SINHCAF: variants seen among roughly 807,000 people sequenced by gnomAD.
SINHCAF encodes the protein SIN3-HDAC complex associated factor.
SINHCAF carries 3 observed loss-of-function variants against 25.8 expected under a neutral mutation model. That is an observed-to-expected ratio of 0.12 (90% CI 0.05 to 0.30). The LOEUF (loss-of-function observed/expected upper bound fraction) is 0.30. Ranked by LOEUF, SINHCAF falls within the 10% of genes least tolerant of loss-of-function variation. The pLI, the probability that SINHCAF is intolerant of heterozygous loss-of-function variation, is 1.00. For missense variants in SINHCAF, 121 were observed against 262.3 expected, an observed-to-expected ratio of 0.46 and a Z score of 3.72; for synonymous variants, 70 against 85.5, an observed-to-expected ratio of 0.82 and a Z score of 1.00.
intron 1 of SINHCAF, chr12:31,298,553 T>C (rs1938644306): frequency 3.2e-6 from 1 of 309,886 alleles, no homozygotes; most frequent in African/African-American, 2.1e-5. Context: ...TCCTGTAAAA[T>C]AATGAAGCTG....
In SINHCAF at chr12:31,325,307, A is replaced by G. The variant is rs1939924816; in HGVS notation, c.-21+717T>C. ...GGTCCGAAGAGGGCAGGCGAGTGGA[A>G]GACGGGCTGTTTTTAAGCGACCGCG... is the stretch of plus-strand genomic sequence containing the variant. On this transcript the variant is annotated intron_variant, in intron 1 of 5. Transcript: ENST00000337682. The surrounding 1 kb of genome is among the most constrained non-coding windows in gnomAD (Gnocchi z 5.9). 4.5e-6 allele frequency: 2 copies of G among 447,984 alleles called. No homozygotes were observed. Among genetic ancestry groups the G allele is most frequent in the South Asian group, 3.1e-5 (2 of 63,932 alleles). 27.8% of individuals were successfully genotyped at this position (447,984 alleles called of 1,614,324 possible). A position where few individuals can be genotyped will look rare whatever the true frequency, so the allele number is the denominator to read the frequency against.
chr12:31,302,474 T>A (rs767981535), intron 1 of SINHCAF, among the ~76,000 whole-genome samples: 1 of 148,396 alleles, frequency 6.7e-6, no homozygotes, highest in Non-Finnish European at 1.5e-5. Context: ...GATGCCAGTC[T>A]CATACTAGCT....
chr12:31,299,181 C>T (rs1028233328), intron 1 of SINHCAF, among the ~76,000 whole-genome samples: 1 of 151,998 alleles, frequency 6.6e-6, no homozygotes, highest in Non-Finnish European at 1.5e-5. Flanking sequence ...CCAAAACAAC[C>T]GGACTAAGAG....
chr12:31,284,404 A>C (rs1592952529), intron 5 of SINHCAF, among the ~76,000 whole-genome samples: 1 of 152,144 alleles, frequency 6.6e-6, no homozygotes, highest in South Asian at 2.1e-4. Context: ...AGTTGTCTGT[A>C]TATTCCAGAT....
At chr12:31,298,296 C>T in intron 1 of SINHCAF, 72 bp from the exon 2 acceptor site, 1 of 1,567,008 alleles carries the variant, frequency 6.4e-7, no homozygotes, top group Non-Finnish European at 8.7e-7. Context: ...GTTCTCTCTG[C>T]TCCACCCCAC....
intron 4 of SINHCAF, among the ~76,000 whole-genome samples, chr12:31,288,790 A>C (rs1042990283): frequency 6.6e-6 from 1 of 152,218 alleles, no homozygotes; most frequent in Admixed American, 6.5e-5. Flanking sequence ...AAGAATCAGG[A>C]AGATCTCAAA....
chr12:31,311,415 G>A (rs528884614), intron 1 of SINHCAF, among the ~76,000 whole-genome samples: 1 of 152,184 alleles, frequency 6.6e-6, no homozygotes, highest in African/African-American at 2.4e-5. Context: ...CAAATTCTTT[G>A]GTAAAGCAAA....
At chr12:31,283,863 C>A (rs902035870) in intron 5 of SINHCAF, among the ~76,000 whole-genome samples, 10 of 147,550 alleles carry the variant, frequency 6.8e-5, no homozygotes, top group African/African-American at 2.6e-4. Context: ...ATTACACACA[C>A]ACACACACAC....
chr12:31,304,208 G>A (rs982745556), intron 1 of SINHCAF: 3 of 151,704 alleles, frequency 2.0e-5, no homozygotes, highest in African/African-American at 7.3e-5. Flanking sequence ...TGGTGGGTGT[G>A]GCCCAATGCC....
At chr12:31,297,430 G>A (rs962799257) in intron 2 of SINHCAF, among the ~76,000 whole-genome samples, 3 of 151,218 alleles carry the variant, frequency 2.0e-5, no homozygotes, top group Non-Finnish European at 4.4e-5. Flanking sequence ...AAAGTGCTGG[G>A]ATTACTAGCG....
rs937645536 is a variant in SINHCAF at position 31,302,929 on chromosome 12, T to C, written c.-20-4705A>G. The C allele has an allele frequency of 3.0e-6, 3 of 985,266 alleles. No individual in the cohort carries two copies. In the African/African-American group the frequency reaches 5.2e-5, roughly 17 times the overall value. The allele number at this position is 985,266 out of a possible 1,614,324, so 61.0% of individuals were successfully genotyped here. ...AGGGTCAGCCTTAGTTAATAGGCCA[T>C]GGTTTTATTACCCATATGTCCAAAC... On this transcript the variant is annotated intron_variant, in intron 1 of 5. Transcript: ENST00000337682.
At chr12:31,315,846 T>C (rs1939475034) in intron 1 of SINHCAF, among the ~76,000 whole-genome samples, 1 of 152,200 alleles carries the variant, frequency 6.6e-6, no homozygotes, top group Admixed American at 6.5e-5. Context: ...AACCCAAAAA[T>C]TGTTTTAATA....
rs745925130 is a variant in SINHCAF at position 31,325,952 on chromosome 12, G to GA, written c.-21+71dup. On this transcript the variant is annotated intron_variant, in intron 1 of 5. Coordinates refer to ENST00000337682, the MANE Select transcript of SINHCAF (RefSeq NM_001135812.2). This position sits in a 1 kb window ranked among gnomAD's most constrained non-coding sequence, Gnocchi z 5.9. The stretch of plus-strand genomic sequence containing the variant: ...GGGGAGGTGGGTGGAGGTGAAAAGA[G>GA]AAAAAAAAAAACACTGAAATCAAAG... 1,834 of 143,286 alleles carry GA rather than the reference G, an allele frequency of 0.013. 11 individuals carry two copies. The highest frequency in any genetic ancestry group is 0.015 in the African/African-American group (580 of 39,260). The allele number at this position is 143,286 out of a possible 1,614,324, so 8.9% of individuals were successfully genotyped here. A position where few individuals can be genotyped will look rare whatever the true frequency, so the allele number is the denominator to read the frequency against.
At chr12:31,309,567 G>A (rs1939177531) in intron 1 of SINHCAF, among the ~76,000 whole-genome samples, 1 of 152,048 alleles carries the variant, frequency 6.6e-6, no homozygotes, top group South Asian at 2.1e-4. Flanking sequence ...AGTTTAAAAG[G>A]AGCCTTATGG....
At chr12:31,300,521 C>T (rs1423522910) in intron 1 of SINHCAF, among the ~76,000 whole-genome samples, 2 of 152,060 alleles carry the variant, frequency 1.3e-5, no homozygotes, top group Non-Finnish European at 2.9e-5. Context: ...TGAGGAAGTA[C>T]CCTCTACACA....
rs1247483869 is a variant in SINHCAF, at chr12:31,295,872, CA to C, written c.129-540del. 3.2e-3 allele frequency among the ~76,000 whole-genome samples: 444 copies of C among 140,448 alleles called. 2 individuals are homozygous for C. The highest frequency in any genetic ancestry group is 0.01 in the African/African-American group (386 of 38,250). 92.1% of individuals were successfully genotyped at this position (140,448 alleles called of 152,430 possible). A position where few individuals can be genotyped will look rare whatever the true frequency, so the allele number is the denominator to read the frequency against. ...GGGCAACAAGAGCGAGACTCCATCT[CA>C]AAAAAAAAAAATTAAATAATTAAAT... is the stretch of plus-strand genomic sequence containing the variant. On this transcript the variant is annotated intron_variant, in intron 2 of 5. Coordinates refer to ENST00000337682, the MANE Select transcript of SINHCAF (RefSeq NM_001135812.2).
At chr12:31,303,920 C>T (rs1284761379) in intron 1 of SINHCAF, 1 of 152,268 alleles carries the variant, frequency 6.6e-6, no homozygotes, top group South Asian at 2.1e-4. Flanking sequence ...CTTGGAAATT[C>T]TTTCTGTGCA....
intron 1 of SINHCAF, among the ~76,000 whole-genome samples, chr12:31,317,036 CCTT>C (rs1362618615): frequency 2.6e-5 from 4 of 152,160 alleles, no homozygotes; most frequent in Non-Finnish European, 5.9e-5. Flanking sequence ...TTTCTAGATT[CCTT>C]CTTCTGGCTT....
At chr12:31,306,150 C>T (rs1423039955) in intron 1 of SINHCAF, among the ~76,000 whole-genome samples, 1 of 152,106 alleles carries the variant, frequency 6.6e-6, no homozygotes, top group Non-Finnish European at 1.5e-5. Flanking sequence ...ATTGCATTAC[C>T]CAATGCAAAA....
Sources: allele counts gnomAD v4.1 joint callset (sites outside exome capture counted in the v4.1 genomes callset), GRCh38; gene constraint gnomAD v4.1.1; non-coding constraint Gnocchi (gnomAD v3.1); transcripts MANE v1.5; gene names NCBI Gene and HGNC (gene_info 2026-07-23, HGNC 2026-07-21).